The following TMEM45B variants were observed in gnomAD, a reference collection of about 807,000 sequenced individuals.
TMEM45B encodes the protein transmembrane protein 45B.
A neutral mutation model predicts 27.3 loss-of-function variants in TMEM45B; 29 were observed. That is an observed-to-expected ratio of 1.06 (90% CI 0.79 to 1.45). TMEM45B has a LOEUF of 1.45. Ranked by LOEUF, TMEM45B falls within the 40% of genes most tolerant of loss-of-function variation. The pLI, the probability that TMEM45B is intolerant of heterozygous loss-of-function variation, is 0.00. For synonymous variants in TMEM45B, 143 were observed against 134.7 expected, an observed-to-expected ratio of 1.06 and a Z score of -0.43; for missense variants, 348 against 343.9, an observed-to-expected ratio of 1.01 and a Z score of -0.09.
chr11:129,824,153 C>A (rs1362194370), intron 1 of TMEM45B, among the ~76,000 whole-genome samples: 2 of 152,184 alleles, frequency 1.3e-5, no homozygotes, highest in Non-Finnish European at 2.9e-5. Context: ...TTCGGTCTCA[C>A]TGGGGCTGTT....
At chr11:129,822,841 CTTTTTTTT>C (rs981694529) in intron 1 of TMEM45B, among the ~76,000 whole-genome samples, 1 of 134,128 alleles carries the variant, frequency 7.5e-6, no homozygotes, top group African/African-American at 2.8e-5. Context: ...AAACATTTTT[CTTTTTTTT>C]TTTTTTTTTG....
At position 129,858,796 on chromosome 11, in the gene TMEM45B, ACCT is replaced by A. The variant is rs1259271873; in HGVS notation, c.*116_*118del. On this transcript the variant is annotated 3_prime_UTR_variant, in exon 6 of 6. Coordinates refer to ENST00000281441, the MANE Select transcript of TMEM45B (RefSeq NM_138788.5). ...TGATCTTAAGGGTCTATATATTTGCACCTCCTCATTCAACACAGGGCTGGAGGT... is the reference window on the plus strand; with the variant it reads ...TGATCTTAAGGGTCTATATATTTGCACCTCATTCAACACAGGGCTGGAGGT... 5.6e-6 allele frequency: 4 copies of A among 711,806 alleles called. No homozygotes were observed. The highest frequency in any genetic ancestry group is 2.9e-5 in the Admixed American group (1 of 34,528). The allele number at this position is 711,806 out of a possible 1,614,324, so 44.1% of individuals were successfully genotyped here.
At chr11:129,826,277 C>A (rs573425150) in intron 1 of TMEM45B, among the ~76,000 whole-genome samples, 1 of 151,878 alleles carries the variant, frequency 6.6e-6, no homozygotes, top group Non-Finnish European at 1.5e-5. Flanking sequence ...AGGCCGGGCG[C>A]GGTGGCTCAC....
At chr11:129,820,658 C>T (rs1265799804) in intron 1 of TMEM45B, among the ~76,000 whole-genome samples, 1 of 152,078 alleles carries the variant, frequency 6.6e-6, no homozygotes, top group East Asian at 1.9e-4. Context: ...TGAGAAACAC[C>T]GAATGTCAGG....
At chr11:129,819,010 T>C (rs988591982) in intron 1 of TMEM45B, among the ~76,000 whole-genome samples, 1 of 152,208 alleles carries the variant, frequency 6.6e-6, no homozygotes, top group Non-Finnish European at 1.5e-5. Flanking sequence ...CTCTTTTGGT[T>C]TGAGGTCTGT....
At chr11:129,841,810 C>CT (rs1377936328) in intron 1 of TMEM45B, among the ~76,000 whole-genome samples, 2 of 151,956 alleles carry the variant, frequency 1.3e-5, no homozygotes, top group Non-Finnish European at 2.9e-5. Flanking sequence ...GTTTGCCAGG[C>CT]TAGTCTTGAA....
At chr11:129,845,336 G>GATGTGT (rs1491347707) in intron 1 of TMEM45B, among the ~76,000 whole-genome samples, 16 of 87,108 alleles carry the variant, frequency 1.8e-4, no homozygotes, top group South Asian at 4.6e-4. Flanking sequence ...AGCTATTATA[G>GATGTGT]ATGTGTGTGT....
intron 1 of TMEM45B, among the ~76,000 whole-genome samples, chr11:129,830,520 T>G (rs527404201): frequency 2.0e-5 from 3 of 152,282 alleles, no homozygotes; most frequent in African/African-American, 7.2e-5. Flanking sequence ...GCTTCTGTAC[T>G]TCAAGGACAG....
intron 1 of TMEM45B, among the ~76,000 whole-genome samples, chr11:129,843,833 C>T (rs573944410): frequency 4.6e-5 from 7 of 152,312 alleles, no homozygotes; most frequent in African/African-American, 1.7e-4. Context: ...GGAACCTTTA[C>T]ATACTGTTGG....
chr11:129,857,178 C>T lies in TMEM45B; in HGVS notation c.571-135C>T, dbSNP rs183462939. 140 of 1,068,044 alleles carry T rather than the reference C, an allele frequency of 1.3e-4. No individual in the cohort carries two copies. In the African/African-American group the frequency reaches 2.1e-3, roughly 16 times the overall value. The allele number at this position is 1,068,044 out of a possible 1,614,324, so 66.2% of individuals were successfully genotyped here. A position where few individuals can be genotyped will look rare whatever the true frequency, so the allele number is the denominator to read the frequency against. Reference sequence around the variant, plus strand: ...GAGCCATTTTTCTATGTGAAAAGGCCTTTCTATGCTAACGAAGTGTGGGAA... The same window carrying T: ...GAGCCATTTTTCTATGTGAAAAGGCTTTTCTATGCTAACGAAGTGTGGGAA... On this transcript the variant is annotated intron_variant, in intron 4 of 5. Transcript: ENST00000281441.
At chr11:129,850,813 C>G (rs1196683135) in intron 1 of TMEM45B, among the ~76,000 whole-genome samples, 4 of 152,184 alleles carry the variant, frequency 2.6e-5, no homozygotes, top group Admixed American at 6.5e-5. Context: ...TTCTTCTGAG[C>G]CCTCACCAGA....
Position 129,855,787 on chromosome 11 carries a change from C to T in TMEM45B, c.465C>T (p.Phe155=), listed in dbSNP as rs527243028. 5.4e-5 allele frequency: 87 copies of T among 1,614,132 alleles called. No homozygotes were observed. Among genetic ancestry groups the T allele is most frequent in the South Asian group, 4.4e-4 (40 of 91,076 alleles). The change falls in exon 4 of 6, where the codon TTC becomes TTT. Residue 155 remains phenylalanine (F), a synonymous_variant. Transcript: ENST00000281441. ...ACTCACTCCTGCTGTATGCTCTGTT[C>T]GGAGGGTGTGTTAGTATCTCCCTAG... ...HIHSLLLYAL[F]GGCVSISLEV...
At chr11:129,856,241 T>A (rs1947922748) in intron 4 of TMEM45B, among the ~76,000 whole-genome samples, 1 of 152,144 alleles carries the variant, frequency 6.6e-6, no homozygotes, top group Non-Finnish European at 1.5e-5. Context: ...TGAGAGAGAC[T>A]CACCCTGTCA....
At chr11:129,835,136 GGA>G (rs1947604909) in intron 1 of TMEM45B, among the ~76,000 whole-genome samples, 1 of 152,194 alleles carries the variant, frequency 6.6e-6, no homozygotes, top group Non-Finnish European at 1.5e-5. Flanking sequence ...AAATATGAGA[GGA>G]GAGAGACAAG....
At chr11:129,849,901 C>T (rs897683000) in intron 1 of TMEM45B, among the ~76,000 whole-genome samples, 3 of 152,258 alleles carry the variant, frequency 2.0e-5, no homozygotes, top group Middle Eastern at 6.8e-3. Flanking sequence ...GGTCATTCTC[C>T]GAAATGGCTT....
chr11:129,858,553 C>T (rs749131673), intron 5 of TMEM45B, 21 bp from the exon 6 acceptor site: 18 of 1,553,714 alleles, frequency 1.2e-5, no homozygotes, highest in Non-Finnish European at 1.5e-5. Context: ...CTAATTGGCT[C>T]TTACTCTTTC....
At chr11:129,818,133 T>C (rs1947374482) in intron 1 of TMEM45B, among the ~76,000 whole-genome samples, 1 of 152,242 alleles carries the variant, frequency 6.6e-6, no homozygotes, top group African/African-American at 2.4e-5. Context: ...CTTAAGCTTC[T>C]ACTCTTTTAA....
chr11:129,820,071 T>G (rs988223876), intron 1 of TMEM45B, among the ~76,000 whole-genome samples: 2 of 151,832 alleles, frequency 1.3e-5, no homozygotes, highest in Non-Finnish European at 2.9e-5. Context: ...TCCAGCATTT[T>G]GGGAGGTCAA....
intron 1 of TMEM45B, among the ~76,000 whole-genome samples, chr11:129,827,491 C>T (rs2704451): frequency 1.9e-4 from 29 of 151,928 alleles, no homozygotes; most frequent in African/African-American, 6.0e-4. Flanking sequence ...TATCTAAACA[C>T]GGAAAACATG....
Sources: gnomAD v4.1 joint callset for allele counts (sites outside exome capture counted in the v4.1 genomes callset) on GRCh38, gnomAD v4.1.1 for gene constraint, MANE v1.5 for transcripts, NCBI Gene and HGNC (gene_info 2026-07-23, HGNC 2026-07-21) for gene names.